The following KDF1 variants were observed in gnomAD, a reference collection of about 807,000 sequenced individuals.
KDF1 encodes the protein keratinocyte differentiation factor 1.
Under a neutral mutation model 31.6 loss-of-function variants are expected in KDF1, and 11 were observed. The ratio of observed to expected loss-of-function variants is 0.35; its 90% CI spans 0.22 to 0.58. KDF1 has a LOEUF of 0.58. Ranked by LOEUF, KDF1 falls within the 20% of genes least tolerant of loss-of-function variation. The pLI, the probability that KDF1 is intolerant of heterozygous loss-of-function variation, is 0.83. For synonymous variants in KDF1, 205 were observed against 214.4 expected, an observed-to-expected ratio of 0.96 and a Z score of 0.38; for missense variants, 476 against 549.1, an observed-to-expected ratio of 0.87 and a Z score of 1.33.
chr1:26,958,133 T>A (rs1401613234), intron 1 of KDF1, among the ~76,000 whole-genome samples: 1 of 142,926 alleles, frequency 7.0e-6, no homozygotes, highest in African/African-American at 2.6e-5. Flanking sequence ...CTAAATTCTT[T>A]TTTTTTTTTT....
Position 26,949,963 on chromosome 1 carries a change from C to T in KDF1, c.*106G>A. 1 of 1,139,304 alleles carries T rather than the reference C, an allele frequency of 8.8e-7. No homozygotes were observed. Among genetic ancestry groups the T allele is most frequent in the Non-Finnish European group, 1.3e-6 (1 of 783,288 alleles). The allele number at this position is 1,139,304 out of a possible 1,614,324, so 70.6% of individuals were successfully genotyped here. A position where few individuals can be genotyped will look rare whatever the true frequency, so the allele number is the denominator to read the frequency against. ...CCAAGGCAGGAGGAGCCAGAGTGGG[C>T]ACTGCTTCAGGTCTAAGCCTCTCCC... On this transcript the variant is annotated 3_prime_UTR_variant, in exon 4 of 4. Transcript: ENST00000320567.
chr1:26,952,018 C>A lies in KDF1; in HGVS notation c.363G>T (p.Gly121=). 1 of 1,613,168 alleles carries A rather than the reference C, an allele frequency of 6.2e-7. No individual in the cohort carries two copies. Among genetic ancestry groups the A allele is most frequent in the Non-Finnish European group, 8.5e-7 (1 of 1,179,624 alleles). ...PCLSTEDSTE[G]TAEANWAKEH... is the part of the protein sequence containing the mutation. Reference sequence around the variant, plus strand: ...CCTTGGCCCAGTTGGCTTCAGCAGTCCCCTCAGTGGAGTCCTCAGTAGACA... The same window carrying A: ...CCTTGGCCCAGTTGGCTTCAGCAGTACCCTCAGTGGAGTCCTCAGTAGACA... The change falls in exon 2 of 4, where the codon GGG becomes GGT. Residue 121 remains glycine (G), a synonymous_variant. Coordinates refer to ENST00000320567, the MANE Select transcript of KDF1 (RefSeq NM_152365.3). This position sits in a 1 kb window ranked among gnomAD's most constrained non-coding sequence, Gnocchi z 4.1.
At chr1:26,956,309 T>C (rs1024620193) in intron 1 of KDF1, among the ~76,000 whole-genome samples, 2 of 152,202 alleles carry the variant, frequency 1.3e-5, no homozygotes, top group African/African-American at 4.8e-5. Flanking sequence ...AAGAGGGCCA[T>C]CATTATCTCT....
At chr1:26,957,791 A>G (rs1418304515) in intron 1 of KDF1, among the ~76,000 whole-genome samples, 1 of 152,090 alleles carries the variant, frequency 6.6e-6, no homozygotes, top group Non-Finnish European at 1.5e-5. Context: ...CTGAGGGCCC[A>G]CTGTGTGCCA....
In KDF1 at chr1:26,951,870, C is replaced by CAGGGATGCCTTTGAGCTT; in HGVS notation, c.493_510dup (p.Lys165_Pro170dup). On this transcript the variant is annotated inframe_insertion, in exon 2 of 4. Coordinates refer to ENST00000320567, the MANE Select transcript of KDF1 (RefSeq NM_152365.3). The surrounding 1 kb of genome is among the most constrained non-coding windows in gnomAD (Gnocchi z 5.4). ...GAGGTGGCCCTCGGGTAGGGATACA[C>CAGGGATGCCTTTGAGCTT]AGGGATGCCTTTGAGCTTAACATCG... The CAGGGATGCCTTTGAGCTT allele has an allele frequency of 6.2e-7, 1 of 1,613,228 alleles. No individual in the cohort carries two copies. Among genetic ancestry groups the CAGGGATGCCTTTGAGCTT allele is most frequent in the Non-Finnish European group, 8.5e-7 (1 of 1,179,502 alleles).
At position 26,952,515 on chromosome 1, in the gene KDF1, A is replaced by G. The variant is rs1213468493; in HGVS notation, c.-32-103T>C. 4 of 890,840 alleles carry G rather than the reference A, an allele frequency of 4.5e-6. No homozygotes were observed. The highest frequency in any genetic ancestry group is 6.5e-6 in the Non-Finnish European group (4 of 617,964). 55.2% of individuals were successfully genotyped at this position (890,840 alleles called of 1,614,324 possible). A position where few individuals can be genotyped will look rare whatever the true frequency, so the allele number is the denominator to read the frequency against. On this transcript the variant is annotated intron_variant, in intron 1 of 3. Coordinates refer to ENST00000320567, the MANE Select transcript of KDF1 (RefSeq NM_152365.3). The surrounding 1 kb of genome is among the most constrained non-coding windows in gnomAD (Gnocchi z 4.1). Reference sequence around the variant, plus strand: ...ATTTCTAGTTTCTGAGAGGCCTGGGATGTGGATGGACCCAAGTATGCCCAA... The same window carrying G: ...ATTTCTAGTTTCTGAGAGGCCTGGGGTGTGGATGGACCCAAGTATGCCCAA...
In KDF1 at chr1:26,952,373, C is replaced by A; in HGVS notation, c.8G>T (p.Arg3Leu). The A allele has an allele frequency of 6.7e-7, 1 of 1,503,478 alleles. No homozygotes were observed. Among genetic ancestry groups the A allele is most frequent in the Non-Finnish European group, 8.8e-7 (1 of 1,131,276 alleles). The allele number at this position is 1,503,478 out of a possible 1,614,324, so 93.1% of individuals were successfully genotyped here. A position where few individuals can be genotyped will look rare whatever the true frequency, so the allele number is the denominator to read the frequency against. Residue 3 changes from arginine (R) to leucine (L), a missense_variant, in exon 2 of 4, where the codon CGC becomes CTC. Physicochemically the swap from Arg to Leu is moderately radical, Grantham distance 102. Around this residue, in one of 2 missense-constraint regions of KDF1, gnomAD observed 330 missense variants for 332.3 expected, o/e 0.99. Coordinates refer to ENST00000320567, the MANE Select transcript of KDF1 (RefSeq NM_152365.3). This position sits in a 1 kb window ranked among gnomAD's most constrained non-coding sequence, Gnocchi z 4.1. ...AGATGCTGGGCGGGGGTGTCCAGGG[C>A]GGGGCATGGCTCATTGCATGGTTTG... The part of the protein sequence containing the change: MP[R>L]PGHPRPASGP...
chr1:26,956,189 G>T (rs1348514392), intron 1 of KDF1, among the ~76,000 whole-genome samples: 2 of 152,038 alleles, frequency 1.3e-5, no homozygotes, highest in African/African-American at 4.8e-5. Context: ...TAAACCGGGG[G>T]TGTGTGAGGA....
chr1:26,955,820 T>C (rs1339814763), intron 1 of KDF1, among the ~76,000 whole-genome samples: 3 of 152,084 alleles, frequency 2.0e-5, no homozygotes. Flanking sequence ...CTGGGCGTGG[T>C]GGAGCGTGCC....
At chr1:26,956,779 C>G (rs1171033125) in intron 1 of KDF1, among the ~76,000 whole-genome samples, 1 of 152,136 alleles carries the variant, frequency 6.6e-6, no homozygotes, top group Non-Finnish European at 1.5e-5. Flanking sequence ...TACATTGAAG[C>G]ACTTGGGGAT....
At position 26,950,196 on chromosome 1, in the gene KDF1, A is replaced by G; in HGVS notation, c.1115-45T>C. The G allele has an allele frequency of 6.5e-7, 1 of 1,540,824 alleles. No individual in the cohort carries two copies. Among genetic ancestry groups the G allele is most frequent in the South Asian group, 1.1e-5 (1 of 89,332 alleles). On this transcript the variant is annotated intron_variant, in intron 3 of 3. Transcript: ENST00000320567. This position sits in a 1 kb window ranked among gnomAD's most constrained non-coding sequence, Gnocchi z 4.0. ...AGGAGGAAACAGGCTCAGGGGAAGG[A>G]GCTCATCCAGATCCCATGACCAGGG... is the stretch of plus-strand genomic sequence containing the variant.
chr1:26,955,992 G>C (rs2082375981), intron 1 of KDF1, among the ~76,000 whole-genome samples: 2 of 152,246 alleles, frequency 1.3e-5, no homozygotes, highest in South Asian at 4.1e-4. Flanking sequence ...GAGCATGTAG[G>C]ATATATGAAG....
chr1:26,950,894 A>T lies in KDF1; in HGVS notation c.1040-138T>A, dbSNP rs1362355306. 6 of 753,432 alleles carry T rather than the reference A, an allele frequency of 8.0e-6. No homozygotes were observed. The highest frequency in any genetic ancestry group is 1.7e-5 in the African/African-American group (1 of 57,512). 46.7% of individuals were successfully genotyped at this position (753,432 alleles called of 1,614,324 possible). On this transcript the variant is annotated intron_variant, in intron 2 of 3. Transcript: ENST00000320567. This position sits in a 1 kb window ranked among gnomAD's most constrained non-coding sequence, Gnocchi z 4.0. ...AGAAAAATAATGCTTAAAGACAGAGACATAGACAACGTGTGCATGCGCAGA... is the reference window on the plus strand; with the variant it reads ...AGAAAAATAATGCTTAAAGACAGAGTCATAGACAACGTGTGCATGCGCAGA...
chr1:26,950,897 T>C lies in KDF1; in HGVS notation c.1040-141A>G. On this transcript the variant is annotated intron_variant, in intron 2 of 3. Transcript: ENST00000320567. This position sits in a 1 kb window ranked among gnomAD's most constrained non-coding sequence, Gnocchi z 4.0. Reference sequence around the variant, plus strand: ...AAAATAATGCTTAAAGACAGAGACATAGACAACGTGTGCATGCGCAGAGTG... The same window carrying C: ...AAAATAATGCTTAAAGACAGAGACACAGACAACGTGTGCATGCGCAGAGTG... 1.3e-6 allele frequency: 1 copy of C among 745,526 alleles called. No homozygotes were observed. Among genetic ancestry groups the C allele is most frequent in the Non-Finnish European group, 2.3e-6 (1 of 440,492 alleles). The allele number at this position is 745,526 out of a possible 1,614,324, so 46.2% of individuals were successfully genotyped here. A position where few individuals can be genotyped will look rare whatever the true frequency, so the allele number is the denominator to read the frequency against.
chr1:26,952,076 C>G lies in KDF1; in HGVS notation c.305G>C (p.Cys102Ser), dbSNP rs982450139. ...GCTGCATCCCCGCACACAGGCTCCA[C>G]AGCGCTGGAGGCAATCCCGGCAGCG... is the stretch of plus-strand genomic sequence containing the variant. ...FRRCRDCLQR[C>S]GACVRGCSPC... The change falls in exon 2 of 4, where the codon TGT becomes TCT. Residue 102 changes from cysteine (C) to serine (S), a missense_variant. Coordinates refer to ENST00000320567, the MANE Select transcript of KDF1 (RefSeq NM_152365.3). The surrounding 1 kb of genome is among the most constrained non-coding windows in gnomAD (Gnocchi z 4.1). 6.2e-7 allele frequency: 1 copy of G among 1,613,414 alleles called. No homozygotes were observed.
chr1:26,949,895 C>T lies in KDF1; in HGVS notation c.*174G>A, dbSNP rs1570752987. On this transcript the variant is annotated 3_prime_UTR_variant, in exon 4 of 4. Transcript: ENST00000320567. ...GCTGGGGATGCAAGGAGATGTAGAT[C>T]CCATGGCCCAGTGAAATGCACATGG... 1.7e-6 allele frequency: 1 copy of T among 597,370 alleles called. No homozygotes were observed. Among genetic ancestry groups the T allele is most frequent in the African/African-American group, 1.9e-5 (1 of 53,846 alleles). 37.0% of individuals were successfully genotyped at this position (597,370 alleles called of 1,614,324 possible). A position where few individuals can be genotyped will look rare whatever the true frequency, so the allele number is the denominator to read the frequency against.
At chr1:26,953,940 G>A (rs2082364028) in intron 1 of KDF1, among the ~76,000 whole-genome samples, 1 of 146,790 alleles carries the variant, frequency 6.8e-6, no homozygotes, top group East Asian at 2.0e-4. Context: ...GGGCAACAAA[G>A]CCAGACCCTG....
chr1:26,959,724 G>A (rs1419396867), intron 1 of KDF1, among the ~76,000 whole-genome samples: 1 of 152,038 alleles, frequency 6.6e-6, no homozygotes, highest in African/African-American at 2.4e-5. Flanking sequence ...TCCTCCGAGG[G>A]TCCCCAGGAC....
At chr1:26,957,495 C>T (rs966863621) in intron 1 of KDF1, among the ~76,000 whole-genome samples, 10 of 152,068 alleles carry the variant, frequency 6.6e-5, no homozygotes, top group African/African-American at 2.4e-4. Context: ...GGGTTTGGTA[C>T]ACTAGGTGCC....
Sources: allele counts gnomAD v4.1 joint callset (sites outside exome capture counted in the v4.1 genomes callset), GRCh38; gene constraint gnomAD v4.1.1; regional missense constraint gnomAD v4.1.1; non-coding constraint Gnocchi (gnomAD v3.1); transcripts MANE v1.5; gene names NCBI Gene and HGNC (gene_info 2026-07-23, HGNC 2026-07-21).